The following SH3RF3 variants were observed in gnomAD, a reference collection of about 807,000 sequenced individuals.
SH3RF3 encodes E3 ubiquitin-protein ligase SH3RF3.
SH3RF3 carries 29 observed loss-of-function variants against 66.3 expected under a neutral mutation model. That is an observed-to-expected ratio of 0.44 (90% CI 0.33 to 0.60). The LOEUF (loss-of-function observed/expected upper bound fraction) is 0.60, where lower values mean the gene tolerates loss of function less well. Ranked by LOEUF, SH3RF3 falls within the 20% of genes least tolerant of loss-of-function variation. SH3RF3 has a pLI of 0.04. For synonymous variants in SH3RF3, 583 were observed against 532.0 expected (o/e 1.10, Z -1.32); for missense variants, 1,194 against 1,190.9 (o/e 1.00, Z -0.04).
chr2:109,134,387 C>T (rs931788782), intron 1 of SH3RF3, among the ~76,000 whole-genome samples: 5 of 152,172 alleles, frequency 3.3e-5, no homozygotes, highest in Admixed American at 1.3e-4. Flanking sequence ...AGAGACCAAA[C>T]GAGTGGTTGA....
chr2:109,433,014 G>A (rs550179880), intron 6 of SH3RF3, among the ~76,000 whole-genome samples: 7 of 152,376 alleles, frequency 4.6e-5, no homozygotes, highest in Admixed American at 1.3e-4. Context: ...TGTGTTCAGC[G>A]TGTATGCTAT....
chr2:109,203,197 A>C (rs1439101924), intron 1 of SH3RF3, among the ~76,000 whole-genome samples: 2 of 152,188 alleles, frequency 1.3e-5, no homozygotes, highest in African/African-American at 4.8e-5. Flanking sequence ...CTTGCCCGCA[A>C]GAAGGACCCT....
chr2:109,211,777 C>A (rs1678987359), intron 1 of SH3RF3, among the ~76,000 whole-genome samples: 1 of 151,984 alleles, frequency 6.6e-6, no homozygotes. Context: ...CCCTGAGTAG[C>A]TGGGATTACA....
At chr2:109,408,648 C>T (rs1296519937) in intron 4 of SH3RF3, among the ~76,000 whole-genome samples, 1 of 152,242 alleles carries the variant, frequency 6.6e-6, no homozygotes, top group African/African-American at 2.4e-5. Flanking sequence ...CCCGCACTGG[C>T]ACTCTCAGAC....
chr2:109,365,086 A>G (rs1683130271), intron 2 of SH3RF3, among the ~76,000 whole-genome samples: 1 of 151,864 alleles, frequency 6.6e-6, no homozygotes, highest in Admixed American at 6.6e-5. Flanking sequence ...AAAACATCCC[A>G]ATGGGTGAGG....
At chr2:109,288,737 A>G (rs1681096109) in intron 1 of SH3RF3, among the ~76,000 whole-genome samples, 1 of 152,182 alleles carries the variant, frequency 6.6e-6, no homozygotes, top group African/African-American at 2.4e-5. Context: ...AACATGGGTA[A>G]AAGTTGTCAT....
chr2:109,228,698 G>A (rs768120540), intron 1 of SH3RF3, among the ~76,000 whole-genome samples: 12 of 152,106 alleles, frequency 7.9e-5, no homozygotes, highest in Non-Finnish European at 8.8e-5. Context: ...AAAGATACAG[G>A]CAAGCAGCCA....
At chr2:109,417,178 C>T (rs574082250) in intron 4 of SH3RF3, among the ~76,000 whole-genome samples, 7 of 152,340 alleles carry the variant, frequency 4.6e-5, no homozygotes, top group Admixed American at 1.3e-4. Context: ...GCATCCTCTG[C>T]GCAGATGCCT....
chr2:109,350,272 T>C (rs139857024), intron 2 of SH3RF3, among the ~76,000 whole-genome samples: 4 of 152,248 alleles, frequency 2.6e-5, no homozygotes, highest in Non-Finnish European at 5.9e-5. Context: ...GACCTCTTGG[T>C]TGAATTGAGG....
intron 1 of SH3RF3, among the ~76,000 whole-genome samples, chr2:109,175,780 G>A (rs1350233677): frequency 6.6e-6 from 1 of 152,208 alleles, no homozygotes; most frequent in African/African-American, 2.4e-5. Context: ...TTCAAAGAGA[G>A]TCTAGAGTAA....
chr2:109,151,739 C>T (rs570171056), intron 1 of SH3RF3, among the ~76,000 whole-genome samples: 4 of 152,224 alleles, frequency 2.6e-5, no homozygotes, highest in Admixed American at 6.5e-5. Flanking sequence ...TCAGCTCTGA[C>T]GGATCAGACC....
intron 2 of SH3RF3, among the ~76,000 whole-genome samples, chr2:109,355,346 T>C (rs1313988380): frequency 6.6e-6 from 1 of 152,234 alleles, no homozygotes; most frequent in African/African-American, 2.4e-5. Flanking sequence ...GCCTGTGGTT[T>C]CTGGTTTGGT....
chr2:109,408,063 C>A (rs1324675756), intron 4 of SH3RF3, among the ~76,000 whole-genome samples: 2 of 152,160 alleles, frequency 1.3e-5, no homozygotes, highest in African/African-American at 4.8e-5. Flanking sequence ...TGGAGAGCAT[C>A]CGGGAGCTCT....
intron 8 of SH3RF3, among the ~76,000 whole-genome samples, chr2:109,487,479 G>T (rs765999370): frequency 6.6e-6 from 1 of 152,226 alleles, no homozygotes; most frequent in Non-Finnish European, 1.5e-5. Context: ...GAAGGCGGAC[G>T]TTTTGGAGAG....
intron 1 of SH3RF3, among the ~76,000 whole-genome samples, chr2:109,235,568 G>T (rs1679627568): frequency 6.6e-6 from 1 of 152,254 alleles, no homozygotes; most frequent in African/African-American, 2.4e-5. Context: ...TGGTAAGATG[G>T]TTCTCCTGGG....
intron 5 of SH3RF3, among the ~76,000 whole-genome samples, chr2:109,425,363 G>A (rs561955935): frequency 2.0e-5 from 3 of 151,892 alleles, no homozygotes; most frequent in Non-Finnish European, 2.9e-5. Context: ...TGAAGGTGGC[G>A]ACACTAAACA....
At position 109,267,453 on chromosome 2, in the gene SH3RF3, G is replaced by A. The variant is rs767505922; in HGVS notation, c.574-80221G>A. On this transcript the variant is annotated intron_variant, in intron 1 of 9. Coordinates refer to ENST00000309415, the MANE Select transcript of SH3RF3 (RefSeq NM_001099289.3). ...GCAGCACTGAGGAAGCCTGGCTCCC[G>A]GGCTGCTTTTCATAAAGACAGAGTC... Among the ~76,000 whole-genome samples, 5 of 152,188 alleles carry A rather than the reference G, an allele frequency of 3.3e-5. No individual in the cohort carries two copies. The East Asian group carries it at 9.6e-4, about 29-fold the overall frequency.
rs551367575 is a variant in SH3RF3, at chr2:109,482,812, C to T, written c.2149-7793C>T. On this transcript the variant is annotated intron_variant, in intron 8 of 9. Coordinates refer to ENST00000309415, the MANE Select transcript of SH3RF3 (RefSeq NM_001099289.3). ...AGAGAGCAACACGATGCGGCGGTCA[C>T]GTCTTCCACCAAAAACAAGCTAGAG... Among the ~76,000 whole-genome samples the T allele has an allele frequency of 3.0e-4, 46 of 152,300 alleles. 1 individual carries two copies. Among genetic ancestry groups the T allele is most frequent in the Non-Finnish European group, 5.9e-4 (40 of 68,018 alleles).
intron 7 of SH3RF3, among the ~76,000 whole-genome samples, chr2:109,446,346 G>A (rs559039424): frequency 5.9e-5 from 9 of 152,264 alleles, no homozygotes; most frequent in African/African-American, 1.4e-4. Context: ...GGACCATTGC[G>A]GGCGTTATCG....
Sources: gnomAD v4.1 joint callset for allele counts (sites outside exome capture counted in the v4.1 genomes callset) on GRCh38, gnomAD v4.1.1 for gene constraint, MANE v1.5 for transcripts, NCBI Gene and HGNC (gene_info 2026-07-23, HGNC 2026-07-21) for gene names.